Variants in AK7 observed in about 807,000 individuals in gnomAD.
AK7 encodes adenylate kinase 7, also known as ATP-AMP transphosphorylase 7.
Under a neutral mutation model 96.6 loss-of-function variants are expected in AK7, and 78 were observed. The observed-to-expected ratio is 0.81, with a 90% CI of 0.67 to 0.97. The LOEUF (loss-of-function observed/expected upper bound fraction) is 0.97, where lower values mean the gene tolerates loss of function less well. AK7 is among the 50% of genes least tolerant of loss of function. The probability of loss-of-function intolerance (pLI) is 0.00; values close to 1 mark genes in which losing one functional copy is unlikely to be tolerated. For synonymous variants in AK7, 302 were observed against 317.2 expected (o/e 0.95, Z 0.51); for missense variants, 855 against 887.9 (o/e 0.96, Z 0.47).
At chr14:96,442,000 T>C (rs1450689187) in intron 6 of AK7, among the ~76,000 whole-genome samples, 2 of 152,188 alleles carry the variant, frequency 1.3e-5, no homozygotes, top group Non-Finnish European at 2.9e-5. Context: ...AACCCTTCAA[T>C]ACTTTCTGAA....
chr14:96,451,706 A>G (rs1893615182), intron 10 of AK7, 136 bp downstream of exon 10: 8 of 929,226 alleles, frequency 8.6e-6, no homozygotes, highest in Non-Finnish European at 1.1e-5. Flanking sequence ...AATTTGACAA[A>G]TTTGTCCAGG....
chr14:96,427,118 G>A (rs1404051398), intron 5 of AK7, among the ~76,000 whole-genome samples: 1 of 152,158 alleles, frequency 6.6e-6, no homozygotes, highest in African/African-American at 2.4e-5. Context: ...GGTAGTGCAT[G>A]CCTGTAATCC....
At chr14:96,457,188 G>A (rs1460071734) in intron 11 of AK7, 1 of 148,498 alleles carries the variant, frequency 6.7e-6, no homozygotes, top group Non-Finnish European at 1.5e-5. Flanking sequence ...AGCCTCCCAA[G>A]TAGCTAGGAT....
Position 96,405,351 on chromosome 14 carries a change from T to C in AK7, c.403+486T>C, listed in dbSNP as rs181117732. The stretch of plus-strand genomic sequence containing the variant: ...GCTTGTGCCACCATACCCCAGCTAA[T>C]TTTTTTTTTTTTGGCAGAGATGGGG... On this transcript the variant is annotated intron_variant, in intron 3 of 17. Coordinates refer to ENST00000267584, the MANE Select transcript of AK7 (RefSeq NM_152327.5). 4.5e-3 allele frequency among the ~76,000 whole-genome samples: 651 copies of C among 144,726 alleles called. 7 individuals are homozygous for C. The highest frequency in any genetic ancestry group is 0.015 in the African/African-American group (598 of 39,830). 94.9% of individuals were successfully genotyped at this position (144,726 alleles called of 152,430 possible).
At chr14:96,397,924 A>C in intron 1 of AK7, 151 bp from the exon 2 acceptor site, 1 of 728,812 alleles carries the variant, frequency 1.4e-6, no homozygotes, top group East Asian at 2.6e-5. Context: ...AATGCAATCA[A>C]CTTAAATGAG....
intron 5 of AK7, among the ~76,000 whole-genome samples, chr14:96,428,745 G>A (rs575362819): frequency 1.3e-5 from 2 of 152,272 alleles, no homozygotes; most frequent in South Asian, 4.1e-4. Flanking sequence ...GTGTCCATTG[G>A]CTACATAAAT....
intron 4 of AK7, 25 bp from the exon 5 acceptor site, chr14:96,420,797 A>G: frequency 6.5e-7 from 1 of 1,534,102 alleles, no homozygotes; most frequent in Non-Finnish European, 9.0e-7. Context: ...CCAAGTCTGT[A>G]CCTTTTCTTT....
chr14:96,420,990 G>A (rs776472109), intron 5 of AK7, 58 bp downstream of exon 5: 13 of 1,241,098 alleles, frequency 1.0e-5, no homozygotes, highest in Admixed American at 9.2e-5. Flanking sequence ...ATCTCTTTGT[G>A]TGGTTTCCTG....
Position 96,420,891 on chromosome 14 carries a change from C to T in AK7, c.568C>T (p.His190Tyr), listed in dbSNP as rs1174648958. The change falls in exon 5 of 18, where the codon CAC becomes TAC. Residue 190 changes from histidine to tyrosine, a missense_variant. Transcript: ENST00000267584. ...RRKSHPNFLD[H>Y]INAEKMVLKF... ...AAAGTCTCATCCTAATTTTCTGGACCACATAAATGCTGAAAAAATGGTTCT... is the reference window on the plus strand; with the variant it reads ...AAAGTCTCATCCTAATTTTCTGGACTACATAAATGCTGAAAAAATGGTTCT... 3.1e-6 allele frequency: 5 copies of T among 1,612,988 alleles called. No individual in the cohort carries two copies. The highest frequency in any genetic ancestry group is 1.7e-5 in the Admixed American group (1 of 59,954).
intron 16 of AK7, among the ~76,000 whole-genome samples, chr14:96,486,442 T>A (rs987188867): frequency 5.3e-5 from 8 of 152,202 alleles, no homozygotes; most frequent in Admixed American, 5.2e-4. Flanking sequence ...TGCTGATCCT[T>A]AATTAGAATC....
chr14:96,442,050 C>A (rs1229193822), intron 6 of AK7, among the ~76,000 whole-genome samples: 1 of 152,178 alleles, frequency 6.6e-6, no homozygotes, highest in African/African-American at 2.4e-5. Context: ...TCTACTGTGA[C>A]CCCTACCCCT....
intron 2 of AK7, among the ~76,000 whole-genome samples, chr14:96,400,648 C>T (rs79468909): frequency 0.06 from 9,108 of 152,238 alleles, 325 homozygotes; most frequent in South Asian, 0.1. Flanking sequence ...TACACAGTGA[C>T]GCTCTGGCAA....
intron 7 of AK7, among the ~76,000 whole-genome samples, chr14:96,444,459 G>A (rs1216577375): frequency 6.6e-6 from 1 of 152,172 alleles, no homozygotes; most frequent in African/African-American, 2.4e-5. Context: ...TTGTTTTGGA[G>A]TAAGTTCTTG....
At chr14:96,403,210 G>A (rs1385327901) in intron 2 of AK7, among the ~76,000 whole-genome samples, 1 of 152,042 alleles carries the variant, frequency 6.6e-6, no homozygotes, top group East Asian at 1.9e-4. Context: ...TTATAAAAAG[G>A]GGAAATTTAG....
At chr14:96,439,967 T>C (rs1002606790) in intron 6 of AK7, among the ~76,000 whole-genome samples, 5 of 152,066 alleles carry the variant, frequency 3.3e-5, no homozygotes, top group African/African-American at 7.2e-5. Flanking sequence ...TTTTATTTGA[T>C]TTATTTATTA....
At chr14:96,401,927 T>C (rs1890432825) in intron 2 of AK7, among the ~76,000 whole-genome samples, 1 of 152,196 alleles carries the variant, frequency 6.6e-6, no homozygotes, top group South Asian at 2.1e-4. Flanking sequence ...CATTTGGGTC[T>C]TCTGTGTCTG....
intron 5 of AK7, among the ~76,000 whole-genome samples, chr14:96,436,434 C>T (rs2140080296): frequency 6.6e-6 from 1 of 152,172 alleles, no homozygotes. Context: ...CACTTGAGGT[C>T]AGGAGTTCAA....
At chr14:96,395,245 A>G (rs531979811) in intron 1 of AK7, among the ~76,000 whole-genome samples, 3 of 152,380 alleles carry the variant, frequency 2.0e-5, no homozygotes, top group African/African-American at 7.2e-5. Context: ...TTTTGTACAC[A>G]TCAAATATAC....
intron 10 of AK7, among the ~76,000 whole-genome samples, chr14:96,453,743 T>C (rs914958988): frequency 6.6e-6 from 1 of 152,168 alleles, no homozygotes; most frequent in African/African-American, 2.4e-5. Context: ...GCAGTCATAC[T>C]TCTCATTGTA....
Sources: allele counts gnomAD v4.1 joint callset (sites outside exome capture counted in the v4.1 genomes callset), GRCh38; gene constraint gnomAD v4.1.1; transcripts MANE v1.5; gene names NCBI Gene and HGNC (gene_info 2026-07-23, HGNC 2026-07-21).